Variants in IFT20 observed in about 807,000 individuals in gnomAD.
IFT20 encodes the protein intraflagellar transport 20.
Under a neutral mutation model 16.9 loss-of-function variants are expected in IFT20, and 4 were observed. The observed-to-expected ratio is 0.24, with a 90% CI of 0.12 to 0.54. The LOEUF is 0.54. IFT20 is among the 20% of genes least tolerant of loss of function. IFT20 has a pLI of 0.95. For synonymous variants in IFT20, 48 were observed against 49.9 expected, an observed-to-expected ratio of 0.96 and a Z score of 0.16; for missense variants, 154 against 149.7, an observed-to-expected ratio of 1.03 and a Z score of -0.15.
intron 4 of IFT20, 150 bp from the exon 5 acceptor site, chr17:28,328,883 G>A (rs575676638): frequency 1.1e-5 from 7 of 665,576 alleles, no homozygotes; most frequent in African/African-American, 3.6e-5. Flanking sequence ...CCTACCCAGA[G>A]CCACCCATGA....
intron 3 of IFT20, chr17:28,330,093 G>A: frequency 1.8e-6 from 1 of 566,500 alleles, no homozygotes; most frequent in Admixed American, 3.5e-5. Context: ...AACCTCAGCT[G>A]GGTGTGGTGG....
chr17:28,335,057 T>C (rs553694657), intron 1 of IFT20, among the ~76,000 whole-genome samples: 7 of 152,320 alleles, frequency 4.6e-5, no homozygotes, highest in African/African-American at 9.6e-5. Flanking sequence ...GGTGGCATAC[T>C]TTCTGCGCCC....
chr17:28,331,470 C>T (rs1316330744), intron 2 of IFT20: 1 of 174,630 alleles, frequency 5.7e-6, no homozygotes, highest in Non-Finnish European at 1.2e-5. Flanking sequence ...CTTCACCTAT[C>T]ACTTCTAACT....
At chr17:28,331,191 G>T (rs1906753454) in intron 2 of IFT20, among the ~76,000 whole-genome samples, 1 of 152,238 alleles carries the variant, frequency 6.6e-6, no homozygotes, top group Admixed American at 6.5e-5. Flanking sequence ...TGTCCTGGAT[G>T]TGACAATTTA....
Position 28,328,607 on chromosome 17 carries a change from C to T in IFT20, c.*45G>A. 1 of 1,346,880 alleles carries T rather than the reference C, an allele frequency of 7.4e-7. No homozygotes were observed. Among genetic ancestry groups the T allele is most frequent in the Non-Finnish European group, 1.0e-6 (1 of 961,030 alleles). The allele number at this position is 1,346,880 out of a possible 1,614,324, so 83.4% of individuals were successfully genotyped here. A position where few individuals can be genotyped will look rare whatever the true frequency, so the allele number is the denominator to read the frequency against. ...CAGAGGTTTTTTTGGTTTTGAGAGG[C>T]TTTTTTTTGTTTTGCCTTCCTACTA... On this transcript the variant is annotated 3_prime_UTR_variant, in exon 5 of 5. Coordinates refer to ENST00000395418, the MANE Select transcript of IFT20 (RefSeq NM_001267776.2).
At chr17:28,332,494 T>G (rs1237316716) in intron 1 of IFT20, 2 of 330,992 alleles carry the variant, frequency 6.0e-6, no homozygotes, top group Admixed American at 4.5e-5. Context: ...GAGTGACATG[T>G]GAACTAAGTT....
Position 28,328,533 on chromosome 17 carries a change from C to T in IFT20, c.*119G>A, listed in dbSNP as rs995988970. 1.4e-6 allele frequency: 1 copy of T among 698,950 alleles called. No homozygotes were observed. Among genetic ancestry groups the T allele is most frequent in the African/African-American group, 1.8e-5 (1 of 54,880 alleles). 43.3% of individuals were successfully genotyped at this position (698,950 alleles called of 1,614,324 possible). On this transcript the variant is annotated 3_prime_UTR_variant, in exon 5 of 5. Coordinates refer to ENST00000395418, the MANE Select transcript of IFT20 (RefSeq NM_001267776.2). ...TGTCTTCAGGGGGCTGCATTCCTTA[C>T]ACGCCACCTCTTGTGACATAGGTCA... is the stretch of plus-strand genomic sequence containing the variant.
intron 1 of IFT20, 162 bp from the exon 2 acceptor site, chr17:28,332,149 T>C (rs1906830438): frequency 6.5e-7 from 1 of 1,547,272 alleles, no homozygotes; most frequent in Non-Finnish European, 8.7e-7. Context: ...GCCTCACCTG[T>C]TTCCCATCCA....
chr17:28,334,786 C>T (rs141570345), intron 1 of IFT20, among the ~76,000 whole-genome samples: 28 of 152,216 alleles, frequency 1.8e-4, no homozygotes, highest in Admixed American at 1.2e-3. Context: ...TTTTGTAAGT[C>T]GAGGTGATGG....
Position 28,329,160 on chromosome 17 carries a change from C to G in IFT20, c.317+13G>C. 1 of 1,592,422 alleles carries G rather than the reference C, an allele frequency of 6.3e-7. No individual in the cohort carries two copies. Among genetic ancestry groups the G allele is most frequent in the Non-Finnish European group, 8.6e-7 (1 of 1,160,698 alleles). On this transcript the variant is annotated intron_variant, in intron 4 of 4. Transcript: ENST00000395418. ...GCTGTGTAAAGAACTTGCTTTACATCATGACTTCTTACCTTTCTAGCTGCA... is the reference window on the plus strand; with the variant it reads ...GCTGTGTAAAGAACTTGCTTTACATGATGACTTCTTACCTTTCTAGCTGCA...
At chr17:28,332,146 C>G in intron 1 of IFT20, 159 bp from the exon 2 acceptor site, 1 of 1,549,056 alleles carries the variant, frequency 6.5e-7, no homozygotes. Context: ...TGAGCCTCAC[C>G]TGTTTCCCAT....
intron 1 of IFT20, among the ~76,000 whole-genome samples, chr17:28,333,866 G>GGCT (rs1464787364): frequency 6.6e-6 from 1 of 152,164 alleles, no homozygotes; most frequent in Non-Finnish European, 1.5e-5. Context: ...AGGAGGTGGA[G>GGCT]GCTGCAGTGA....
At position 28,330,373 on chromosome 17, in the gene IFT20, G is replaced by C. The variant is rs1906685603; in HGVS notation, c.213+70C>G. 3.8e-6 allele frequency: 4 copies of C among 1,045,112 alleles called. No homozygotes were observed. The South Asian group carries it at 5.0e-5, about 13-fold the overall frequency. The allele number at this position is 1,045,112 out of a possible 1,614,324, so 64.7% of individuals were successfully genotyped here. ...CTACCCCTCTAAATAAATCAAGAGG[G>C]AAGAGGGATGAGAGGGTAGTGAACT... is the stretch of plus-strand genomic sequence containing the variant. On this transcript the variant is annotated intron_variant, in intron 3 of 4. Coordinates refer to ENST00000395418, the MANE Select transcript of IFT20 (RefSeq NM_001267776.2).
At chr17:28,330,749 C>T (rs1906723813) in intron 2 of IFT20, among the ~76,000 whole-genome samples, 1 of 152,118 alleles carries the variant, frequency 6.6e-6, no homozygotes, top group Non-Finnish European at 1.5e-5. Flanking sequence ...GATGTGTGAT[C>T]ATGCCTGTGA....
chr17:28,332,007 ATTCCTCATCAC>A lies in IFT20; in HGVS notation c.-2-31_-2-21del. The A allele has an allele frequency of 6.2e-7, 1 of 1,614,112 alleles. No homozygotes were observed. The highest frequency in any genetic ancestry group is 1.1e-5 in the South Asian group (1 of 91,082). On this transcript the variant is annotated intron_variant, in intron 1 of 4. Transcript: ENST00000395418. Reference sequence around the variant, plus strand: ...CCATGGCTGTAAAGAAACAGGCCCAATTCCTCATCACTTCCCAGCCACCCAAGGAAATGCCT... The same window carrying A: ...CCATGGCTGTAAAGAAACAGGCCCAATTCCCAGCCACCCAAGGAAATGCCT...
chr17:28,332,061 A>G (rs1217671751), intron 1 of IFT20, 74 bp from the exon 2 acceptor site: 1 of 1,611,142 alleles, frequency 6.2e-7, no homozygotes, highest in African/African-American at 1.3e-5. Context: ...AGCCAGCCCC[A>G]CTCCTGCCCT....
intron 1 of IFT20, among the ~76,000 whole-genome samples, chr17:28,334,304 G>A (rs900601504): frequency 3.9e-5 from 6 of 152,372 alleles, no homozygotes; most frequent in African/African-American, 1.4e-4. Context: ...CCAAAAGTAT[G>A]TCAAGTGAAA....
At chr17:28,332,903 G>A (rs1355840259) in intron 1 of IFT20, among the ~76,000 whole-genome samples, 1 of 152,162 alleles carries the variant, frequency 6.6e-6, no homozygotes, top group Non-Finnish European at 1.5e-5. Flanking sequence ...GCTGGAGCCA[G>A]ACCAGGAAGA....
Position 28,328,666 on chromosome 17 carries a change from T to A in IFT20, c.385A>T (p.Ile129Phe), listed in dbSNP as rs2142364018. Residue 129 changes from isoleucine to phenylalanine, a missense_variant, in exon 5 of 5, where the codon ATT becomes TTT. Coordinates refer to ENST00000395418, the MANE Select transcript of IFT20 (RefSeq NM_001267776.2). ...AEQNEFIDQFIFQK is the reference protein window; with the variant it reads ...AEQNEFIDQFFFQK ...AAATTTTCAGTTCATTTCTGAAAAA[T>A]AAATTGGTCAATAAATTCATTTTGT... 6.2e-7 allele frequency: 1 copy of A among 1,603,206 alleles called. No individual in the cohort carries two copies. Among genetic ancestry groups the A allele is most frequent in the Non-Finnish European group, 8.5e-7 (1 of 1,175,468 alleles).
Sources: allele counts gnomAD v4.1 joint callset (sites outside exome capture counted in the v4.1 genomes callset), GRCh38; gene constraint gnomAD v4.1.1; transcripts MANE v1.5; gene names NCBI Gene and HGNC (gene_info 2026-07-23, HGNC 2026-07-21).